Variants in GMDS observed in about 807,000 individuals in gnomAD.
GMDS encodes the protein GDP-mannose 4,6-dehydratase, also known as GDP-mannose 4,6 dehydratase.
A neutral mutation model predicts 49.9 loss-of-function variants in GMDS; 20 were observed. The observed-to-expected ratio is 0.40, with a 90% CI of 0.28 to 0.58. The LOEUF is 0.58. Among genes scored for constraint, GMDS ranks in the 20% least tolerant of loss-of-function variants. The probability of loss-of-function intolerance (pLI) is 0.42; values close to 1 mark genes in which losing one functional copy is unlikely to be tolerated. For missense variants in GMDS, 362 were observed against 481.4 expected (o/e 0.75, Z 2.32); for synonymous variants, 177 against 178.6 (o/e 0.99, Z 0.07).
intron 9 of GMDS, among the ~76,000 whole-genome samples, chr6:1,673,012 T>G (rs1055609906): frequency 2.0e-5 from 3 of 152,180 alleles, no homozygotes; most frequent in African/African-American, 7.2e-5. Context: ...TACTGTATTT[T>G]CAAACAGCAT....
chr6:2,169,578 A>C (rs1200925390), intron 1 of GMDS, among the ~76,000 whole-genome samples: 4 of 150,106 alleles, frequency 2.7e-5, no homozygotes, highest in African/African-American at 7.4e-5. Context: ...ACTGCACTCC[A>C]GCCTGGGCAA....
At chr6:1,639,230 A>G (rs1256571666) in intron 9 of GMDS, among the ~76,000 whole-genome samples, 1 of 152,204 alleles carries the variant, frequency 6.6e-6, no homozygotes, top group East Asian at 1.9e-4. Flanking sequence ...GCACTTGCAG[A>G]AACAGATACT....
At chr6:2,115,110 G>A (rs1386274673) in intron 4 of GMDS, among the ~76,000 whole-genome samples, 4 of 152,130 alleles carry the variant, frequency 2.6e-5, no homozygotes, top group African/African-American at 9.7e-5. Context: ...CATGGCTTCA[G>A]ATTTCACTTA....
At chr6:1,886,456 G>T (rs1050809255) in intron 7 of GMDS, among the ~76,000 whole-genome samples, 4 of 152,230 alleles carry the variant, frequency 2.6e-5, no homozygotes, top group African/African-American at 9.6e-5. Context: ...TTCATTTACA[G>T]GGGCCTATAA....
intron 9 of GMDS, among the ~76,000 whole-genome samples, chr6:1,660,840 G>A (rs1764047733): frequency 6.7e-6 from 1 of 149,562 alleles, no homozygotes; most frequent in Non-Finnish European, 1.5e-5. Flanking sequence ...GTCTTTGAGA[G>A]CTGCCTAGAA....
At position 1,839,680 on chromosome 6, in the gene GMDS, C is replaced by T. The variant is rs139998135; in HGVS notation, c.771+90423G>A. Among the ~76,000 whole-genome samples the T allele has an allele frequency of 7.7e-3, 1,178 of 152,184 alleles. 10 individuals carry two copies. Among genetic ancestry groups the T allele is most frequent in the African/African-American group, 0.027 (1,133 of 41,504 alleles). On this transcript the variant is annotated intron_variant, in intron 7 of 10. Coordinates refer to ENST00000380815, the MANE Select transcript of GMDS (RefSeq NM_001500.4). ...TTCCAACTGATGTTGTAATTTTCAC[C>T]CTGGAAGTGGAAATAAAATCATGGG...
intron 7 of GMDS, among the ~76,000 whole-genome samples, chr6:1,799,703 T>C (rs1414198542): frequency 2.0e-5 from 3 of 152,076 alleles, no homozygotes; most frequent in Non-Finnish European, 4.4e-5. Context: ...CCAGAGAAGA[T>C]GACTCTTGAT....
At chr6:1,929,718 A>G (rs1762199147) in intron 7 of GMDS, among the ~76,000 whole-genome samples, 1 of 152,196 alleles carries the variant, frequency 6.6e-6, no homozygotes, top group East Asian at 1.9e-4. Flanking sequence ...ATGTAAGTCC[A>G]AGAATCTTGA....
intron 7 of GMDS, among the ~76,000 whole-genome samples, chr6:1,926,748 C>T (rs533353073): frequency 6.6e-6 from 1 of 152,268 alleles, no homozygotes; most frequent in South Asian, 2.1e-4. Flanking sequence ...ACGGAGGGTA[C>T]CAAGCTATAA....
At chr6:1,898,408 A>C (rs1760330170) in intron 7 of GMDS, among the ~76,000 whole-genome samples, 1 of 152,366 alleles carries the variant, frequency 6.6e-6, no homozygotes, top group Admixed American at 6.5e-5. Context: ...AGGTATAGAC[A>C]GCTCTGGTGC....
intron 9 of GMDS, among the ~76,000 whole-genome samples, chr6:1,702,626 T>G (rs1765582114): frequency 6.6e-6 from 1 of 152,184 alleles, no homozygotes; most frequent in African/African-American, 2.4e-5. Flanking sequence ...CCAGCTGTGG[T>G]GGCATTAATA....
At chr6:2,220,152 C>T (rs962851847) in intron 1 of GMDS, among the ~76,000 whole-genome samples, 5 of 152,166 alleles carry the variant, frequency 3.3e-5, no homozygotes, top group South Asian at 2.1e-4. Context: ...CAGATGACTC[C>T]GGAGGAAACA....
intron 4 of GMDS, among the ~76,000 whole-genome samples, chr6:2,096,307 G>T (rs1472122449): frequency 6.6e-6 from 1 of 152,240 alleles, no homozygotes; most frequent in East Asian, 1.9e-4. Flanking sequence ...GTGTCTTAAA[G>T]CAGGGACCTG....
rs115295493 is a variant in GMDS at position 2,063,026 on chromosome 6, G to C, written c.345+52745C>G. On this transcript the variant is annotated intron_variant, in intron 4 of 10. Transcript: ENST00000380815. ...AATTTGCTTTTGGTGAGATCCTATAGACAGGGCATTTGCTATGATGAGCCA... is the reference window on the plus strand; with the variant it reads ...AATTTGCTTTTGGTGAGATCCTATACACAGGGCATTTGCTATGATGAGCCA... Among the ~76,000 whole-genome samples the C allele has an allele frequency of 2.1e-3, 319 of 152,320 alleles. 1 individual carries two copies. The highest frequency in any genetic ancestry group is 7.4e-3 in the African/African-American group (308 of 41,572).
At chr6:1,975,044 AAAAC>A (rs1308767040) in intron 4 of GMDS, among the ~76,000 whole-genome samples, 5 of 151,042 alleles carry the variant, frequency 3.3e-5, no homozygotes, top group African/African-American at 4.9e-5. Flanking sequence ...TCTCAAAAAA[AAAAC>A]AAAACAAAAC....
At chr6:1,673,368 C>CT (rs59839970) in intron 9 of GMDS, among the ~76,000 whole-genome samples, 37,082 of 143,332 alleles carry the variant, frequency 0.26, 4,928 homozygotes, top group East Asian at 0.5. Context: ...TACCAAAGGG[C>CT]TTTTTTTTTT....
At chr6:1,668,497 G>A (rs1764304655) in intron 9 of GMDS, among the ~76,000 whole-genome samples, 1 of 152,194 alleles carries the variant, frequency 6.6e-6, no homozygotes, top group Admixed American at 6.5e-5. Flanking sequence ...ATCACCTGAG[G>A]TCAGAAGTTT....
intron 7 of GMDS, among the ~76,000 whole-genome samples, chr6:1,895,546 T>C (rs891693664): frequency 6.6e-5 from 10 of 152,238 alleles, no homozygotes; most frequent in African/African-American, 2.4e-4. Flanking sequence ...TCAATACACA[T>C]GTGTGGCCAG....
chr6:2,117,839 C>T (rs1417226590), intron 2 of GMDS, among the ~76,000 whole-genome samples: 1 of 152,212 alleles, frequency 6.6e-6, no homozygotes, highest in Non-Finnish European at 1.5e-5. Flanking sequence ...TTTCCAAACA[C>T]ACACACTTAC....
Sources: allele counts gnomAD v4.1 joint callset (sites outside exome capture counted in the v4.1 genomes callset), GRCh38; gene constraint gnomAD v4.1.1; transcripts MANE v1.5; gene names NCBI Gene and HGNC (gene_info 2026-07-23, HGNC 2026-07-21).